PAX5: variants seen among roughly 807,000 people sequenced by gnomAD.
PAX5 encodes the protein paired box 5, also known as paired box protein Pax-5.
Under a neutral mutation model 43.7 loss-of-function variants are expected in PAX5, and 9 were observed. That is an observed-to-expected ratio of 0.21 (90% CI 0.12 to 0.36). PAX5 has a LOEUF of 0.36. PAX5 is among the 10% of genes least tolerant of loss of function. PAX5 has a pLI of 1.00. For missense variants in PAX5, 383 were observed against 532.7 expected (o/e 0.72, Z 2.77); for synonymous variants, 228 against 214.3 (o/e 1.06, Z -0.56).
At chr9:36,869,721 G>A (rs1825237671) in intron 8 of PAX5, among the ~76,000 whole-genome samples, 1 of 152,196 alleles carries the variant, frequency 6.6e-6, no homozygotes, top group Admixed American at 6.5e-5. Flanking sequence ...GTATCCTTAG[G>A]CTACTACCTG....
intron 8 of PAX5, among the ~76,000 whole-genome samples, chr9:36,869,401 T>C (rs565822166): frequency 3.3e-4 from 50 of 152,288 alleles, no homozygotes; most frequent in Non-Finnish European, 6.5e-4. Flanking sequence ...AACCTGAAAA[T>C]TGTCTCTTCC....
Position 37,015,905 on chromosome 9 carries a change from C to T in PAX5, c.213-711G>A, listed in dbSNP as rs1839347635. On this transcript the variant is annotated intron_variant, in intron 2 of 9. Transcript: ENST00000358127. This position sits in a 1 kb window ranked among gnomAD's most constrained non-coding sequence, Gnocchi z 4.4. ...AGTCTCTCATTGTATTTCTATTGGA[C>T]AGCACTGGCTAAGCATTAACAAAAT... 6.6e-6 allele frequency among the ~76,000 whole-genome samples: 1 copy of T among 152,238 alleles called. No homozygotes were observed. The highest frequency in any genetic ancestry group is 2.1e-4 in the South Asian group (1 of 4,832).
At chr9:36,954,865 ATTTTG>A (rs1833321206) in intron 6 of PAX5, among the ~76,000 whole-genome samples, 3 of 151,952 alleles carry the variant, frequency 2.0e-5, no homozygotes, top group Middle Eastern at 3.4e-3. Context: ...TTCTCATGAT[ATTTTG>A]TTTTATCTCT....
intron 8 of PAX5, among the ~76,000 whole-genome samples, chr9:36,878,727 G>A (rs1393052677): frequency 1.3e-5 from 2 of 152,212 alleles, no homozygotes; most frequent in African/African-American, 4.8e-5. Context: ...GCCGGGGGTA[G>A]TGTCTGCAAA....
At chr9:37,007,372 A>G (rs1024611950) in intron 3 of PAX5, 7 of 152,212 alleles carry the variant, frequency 4.6e-5, no homozygotes, top group Non-Finnish European at 1.0e-4. Context: ...GATCTTATGG[A>G]AAAACCCCGT....
Position 36,945,736 on chromosome 9 carries a change from A to G in PAX5, c.780+20813T>C, listed in dbSNP as rs376784297. Among the ~76,000 whole-genome samples, 29 of 152,346 alleles carry G rather than the reference A, an allele frequency of 1.9e-4. 1 individual carries two copies. Among genetic ancestry groups the G allele is most frequent in the African/African-American group, 5.5e-4 (23 of 41,578 alleles). On this transcript the variant is annotated intron_variant, in intron 6 of 9. Transcript: ENST00000358127. ...TTGTTTGGGCCACTCTTTGAATGAG[A>G]TAGAGAAGCTGCTCTTCAAATCCCA...
chr9:36,964,556 C>T (rs948344081), intron 6 of PAX5, among the ~76,000 whole-genome samples: 9 of 149,122 alleles, frequency 6.0e-5, no homozygotes, highest in African/African-American at 2.2e-4. Context: ...CACACTACTG[C>T]ACTCCAACCT....
At chr9:36,903,516 G>C (rs548679999) in intron 7 of PAX5, among the ~76,000 whole-genome samples, 2 of 152,358 alleles carry the variant, frequency 1.3e-5, no homozygotes, top group South Asian at 4.1e-4. Context: ...CTGAGGGCTG[G>C]GAGGCTGCAC....
At chr9:36,985,634 T>C (rs1469496758) in intron 5 of PAX5, among the ~76,000 whole-genome samples, 29 of 152,046 alleles carry the variant, frequency 1.9e-4, no homozygotes, top group Admixed American at 1.9e-3. Context: ...GCCTTCTGTG[T>C]AGGGCAAGAA....
rs576653546 is a variant in PAX5 at position 37,034,098 on chromosome 9, C to CTTTTTTTTTT, written c.-77_-68dup. On this transcript the variant is annotated 5_prime_UTR_variant, in exon 1 of 10. Coordinates refer to ENST00000358127, the MANE Select transcript of PAX5 (RefSeq NM_016734.3). ...TCCACTTTTTTGTGCCTTTTTTTTT[C>CTTTTTTTTTT]TTTTTTTTTTTTTTTTTTTTTTTTT... The CTTTTTTTTTT allele has an allele frequency of 0.015, 4,843 of 318,004 alleles. 52 individuals are homozygous for CTTTTTTTTTT. The highest frequency in any genetic ancestry group is 0.024 in the South Asian group (790 of 33,482). 19.7% of individuals were successfully genotyped at this position (318,004 alleles called of 1,614,324 possible).
At position 37,015,212 on chromosome 9, in the gene PAX5, A is replaced by G. The variant is rs747594984; in HGVS notation, c.213-18T>C. The G allele has an allele frequency of 6.2e-7, 1 of 1,610,036 alleles. No homozygotes were observed. Among genetic ancestry groups the G allele is most frequent in the South Asian group, 1.1e-5 (1 of 90,956 alleles). ...CATAATACCTAGGACCCAAAGAGAA[A>G]GAAGCTTAGCCATGAGGAACCAGTA... On this transcript the variant is annotated intron_variant, in intron 2 of 9. Coordinates refer to ENST00000358127, the MANE Select transcript of PAX5 (RefSeq NM_016734.3). This position sits in a 1 kb window ranked among gnomAD's most constrained non-coding sequence, Gnocchi z 4.4.
intron 7 of PAX5, among the ~76,000 whole-genome samples, chr9:36,911,327 CT>C (rs36123317): frequency 0.21 from 29,399 of 140,076 alleles, 2,937 homozygotes; most frequent in African/African-American, 0.23. Flanking sequence ...CACAAAACAA[CT>C]TTTTTTTTTT....
At chr9:36,929,061 A>G (rs1002121770) in intron 6 of PAX5, among the ~76,000 whole-genome samples, 2 of 152,196 alleles carry the variant, frequency 1.3e-5, no homozygotes, top group Admixed American at 6.5e-5. Context: ...CTCCTGCCAC[A>G]ATGATCTTCC....
chr9:36,969,000 A>C (rs1172380090), intron 5 of PAX5, among the ~76,000 whole-genome samples: 1 of 152,146 alleles, frequency 6.6e-6, no homozygotes, highest in African/African-American at 2.4e-5. Flanking sequence ...CTGCCCAGTC[A>C]TCCTGGTCCC....
At chr9:36,852,397 G>A (rs146217478) in intron 8 of PAX5, among the ~76,000 whole-genome samples, 191 of 152,380 alleles carry the variant, frequency 1.3e-3, no homozygotes, top group African/African-American at 4.5e-3. Context: ...AAAGGAGAAG[G>A]GACTTGGCAG....
At chr9:37,026,575 T>C (rs1419207300) in intron 1 of PAX5, 1 of 1,343,710 alleles carries the variant, frequency 7.4e-7, no homozygotes, top group Non-Finnish European at 9.8e-7. Context: ...TGTATTTCCA[T>C]CGGGGCGCTC....
intron 1 of PAX5, among the ~76,000 whole-genome samples, chr9:37,030,604 G>A (rs1840884130): frequency 6.6e-6 from 1 of 152,242 alleles, no homozygotes; most frequent in South Asian, 2.1e-4. Flanking sequence ...AGGAGACCGC[G>A]AAAGGAAACT....
intron 5 of PAX5, among the ~76,000 whole-genome samples, chr9:36,982,071 C>G (rs1835986936): frequency 6.6e-6 from 1 of 152,194 alleles, no homozygotes; most frequent in Admixed American, 6.5e-5. Context: ...TCAAGAACAG[C>G]CTGGCCAACA....
At chr9:36,995,853 C>T (rs1219620767) in intron 5 of PAX5, among the ~76,000 whole-genome samples, 2 of 152,186 alleles carry the variant, frequency 1.3e-5, no homozygotes, top group African/African-American at 2.4e-5. Context: ...CCTCTGCCCC[C>T]ACCCTGGAGG....
Sources: gnomAD v4.1 joint callset for allele counts (sites outside exome capture counted in the v4.1 genomes callset) on GRCh38, gnomAD v4.1.1 for gene constraint, Gnocchi (gnomAD v3.1) non-coding constraint, MANE v1.5 for transcripts, NCBI Gene and HGNC (gene_info 2026-07-23, HGNC 2026-07-21) for gene names.